GLIPR1L1: variants seen among roughly 807,000 people sequenced by gnomAD.
The protein encoded by GLIPR1L1 is GLIPR1-like protein 1.
Under a neutral mutation model 29.9 loss-of-function variants are expected in GLIPR1L1, and 26 were observed. The observed-to-expected ratio is 0.87, with a 90% CI of 0.64 to 1.21. The LOEUF (loss-of-function observed/expected upper bound fraction) is 1.21, where lower values mean the gene tolerates loss of function less well. Among genes scored for constraint, GLIPR1L1 ranks in the 50% most tolerant of loss-of-function variants. The pLI is 0.00. For missense variants in GLIPR1L1, 305 were observed against 290.3 expected (o/e 1.05, Z -0.37); for synonymous variants, 77 against 97.5 (o/e 0.79, Z 1.24).
chr12:75,361,705 C>T (rs562770256), intron 3 of GLIPR1L1, among the ~76,000 whole-genome samples: 27 of 152,272 alleles, frequency 1.8e-4, no homozygotes, highest in African/African-American at 6.0e-4. Context: ...GGAGGAACTT[C>T]TAAACACTTT....
intron 4 of GLIPR1L1, chr12:75,366,778 A>G: frequency 1.5e-6 from 1 of 673,770 alleles, no homozygotes; most frequent in Admixed American, 2.1e-5. Flanking sequence ...TATGTGTCTC[A>G]GTTTCTCTCT....
intron 3 of GLIPR1L1, among the ~76,000 whole-genome samples, chr12:75,357,102 A>G (rs915919282): frequency 2.0e-5 from 3 of 152,194 alleles, no homozygotes; most frequent in African/African-American, 7.2e-5. Flanking sequence ...AGGTGGTAGT[A>G]TAAGTAAAGC....
chr12:75,366,878 G>T, intron 4 of GLIPR1L1: 1 of 701,392 alleles, frequency 1.4e-6, no homozygotes, highest in East Asian at 2.7e-5. Flanking sequence ...AACTAATTTT[G>T]TTGAGGGTTC....
intron 2 of GLIPR1L1, among the ~76,000 whole-genome samples, chr12:75,345,470 C>T (rs1326275348): frequency 6.6e-6 from 1 of 152,092 alleles, no homozygotes; most frequent in Non-Finnish European, 1.5e-5. Context: ...AAAGAGCTAA[C>T]CTTCTTCTCT....
At chr12:75,353,479 G>A (rs1317938048) in intron 3 of GLIPR1L1, among the ~76,000 whole-genome samples, 1 of 152,150 alleles carries the variant, frequency 6.6e-6, no homozygotes, top group Non-Finnish European at 1.5e-5. Context: ...CCAATAACAA[G>A]TTCTGAAATT....
At chr12:75,347,967 A>T (rs2042565192) in intron 3 of GLIPR1L1, among the ~76,000 whole-genome samples, 1 of 152,096 alleles carries the variant, frequency 6.6e-6, no homozygotes, top group African/African-American at 2.4e-5. Flanking sequence ...TGATAGGTTT[A>T]AAAAAAGAGA....
chr12:75,346,495 A>G (rs1180665153), intron 2 of GLIPR1L1, among the ~76,000 whole-genome samples: 1 of 152,106 alleles, frequency 6.6e-6, no homozygotes, highest in African/African-American at 2.4e-5. Context: ...AGTTCAAGCA[A>G]TTCTCCTGCC....
intron 1 of GLIPR1L1, 91 bp downstream of exon 1, chr12:75,334,993 C>A: frequency 7.2e-6 from 9 of 1,257,296 alleles, no homozygotes; most frequent in South Asian, 2.9e-5. Flanking sequence ...TGTACTAATT[C>A]AATCCGGACT....
rs2042545082 is a variant in GLIPR1L1 at position 75,347,677 on chromosome 12, T to C, written c.476T>C (p.Leu159Pro). Reference sequence around the variant, plus strand: ...TGTGCAGTTGCAATGTGTCCTAACCTTGGGGGAGCTTCAACTGCAATATTT... The same window carrying C: ...TGTGCAGTTGCAATGTGTCCTAACCCTGGGGGAGCTTCAACTGCAATATTT... Reference protein sequence around the residue: ...VGCAVAMCPNLGGASTAIFVC... With the variant: ...VGCAVAMCPNPGGASTAIFVC... Residue 159 changes from leucine (L) to proline (P), a missense_variant, in exon 3 of 6, where the codon CTT becomes CCT. Coordinates refer to ENST00000378695, the MANE Select transcript of GLIPR1L1 (RefSeq NM_001304964.2). The C allele has an allele frequency of 6.2e-7, 1 of 1,607,016 alleles. No homozygotes were observed. The highest frequency in any genetic ancestry group is 8.5e-7 in the Non-Finnish European group (1 of 1,175,560).
intron 3 of GLIPR1L1, among the ~76,000 whole-genome samples, chr12:75,358,624 C>T (rs1006624032): frequency 1.3e-5 from 2 of 150,038 alleles, no homozygotes; most frequent in Admixed American, 6.7e-5. Flanking sequence ...TTGTATGTAA[C>T]ATACCAGACA....
Position 75,343,712 on chromosome 12 carries a change from C to T in GLIPR1L1, c.194C>T (p.Ala65Val), listed in dbSNP as rs780835638. The stretch of plus-strand genomic sequence containing the variant: ...TTTCAGATTTGGGATAAAGGTTTAG[C>T]AAAGATGGCTAAAGCATGGGCAAAC... Reference protein sequence around the residue: ...MKYMIWDKGLAKMAKAWANQC... With the variant: ...MKYMIWDKGLVKMAKAWANQC... Residue 65 changes from alanine (A) to valine (V), a missense_variant, in exon 2 of 6, where the codon GCA (alanine) becomes GTA (valine). Physicochemically the swap from Ala to Val is moderately conservative, Grantham distance 64. Transcript: ENST00000378695. The T allele has an allele frequency of 2.5e-6, 4 of 1,609,002 alleles. No homozygotes were observed. Among genetic ancestry groups the T allele is most frequent in the South Asian group, 1.1e-5 (1 of 90,324 alleles).
chr12:75,347,498 T>C (rs1407271540), intron 2 of GLIPR1L1, 124 bp from the exon 3 acceptor site: 6 of 448,970 alleles, frequency 1.3e-5, no homozygotes, highest in South Asian at 6.8e-5. Flanking sequence ...AAAAAATATG[T>C]AACTAATAAA....
At chr12:75,337,783 A>C (rs2041838032) in intron 1 of GLIPR1L1, among the ~76,000 whole-genome samples, 1 of 152,006 alleles carries the variant, frequency 6.6e-6, no homozygotes, top group Non-Finnish European at 1.5e-5. Context: ...TGCCTAATAA[A>C]AGTATTGCTT....
At chr12:75,358,401 G>T (rs944556479) in intron 3 of GLIPR1L1, among the ~76,000 whole-genome samples, 3 of 151,622 alleles carry the variant, frequency 2.0e-5, no homozygotes, top group African/African-American at 7.3e-5. Flanking sequence ...TATATTCCAG[G>T]AATGCAGGTC....
At chr12:75,337,719 A>T (rs1308969924) in intron 1 of GLIPR1L1, among the ~76,000 whole-genome samples, 1 of 152,050 alleles carries the variant, frequency 6.6e-6, no homozygotes, top group Non-Finnish European at 1.5e-5. Context: ...AAGTCTCATA[A>T]ATATTACATT....
At chr12:75,363,758 C>G (rs1314357139) in intron 4 of GLIPR1L1, among the ~76,000 whole-genome samples, 1 of 152,060 alleles carries the variant, frequency 6.6e-6, no homozygotes, top group Non-Finnish European at 1.5e-5. Context: ...CATGAGTGAC[C>G]AATGGCCTGT....
In GLIPR1L1 at chr12:75,347,284, T is replaced by C. The variant is rs1593714444; in HGVS notation, c.421-338T>C. 3.3e-5 allele frequency among the ~76,000 whole-genome samples: 5 copies of C among 152,240 alleles called. No individual in the cohort carries two copies. The South Asian group carries it at 1.0e-3, about 32-fold the overall frequency. The stretch of plus-strand genomic sequence containing the variant: ...TTTATAGTCTGATTTTCATATTGTT[T>C]GTATGATATTCCCAGGGATAGAATT... On this transcript the variant is annotated intron_variant, in intron 2 of 5. Transcript: ENST00000378695.
chr12:75,350,828 G>C (rs1369661981), intron 3 of GLIPR1L1, among the ~76,000 whole-genome samples: 1 of 152,030 alleles, frequency 6.6e-6, no homozygotes, highest in Admixed American at 6.6e-5. Context: ...CAAGGGCACA[G>C]AACTGGGATG....
At chr12:75,355,834 G>A (rs949037793) in intron 3 of GLIPR1L1, among the ~76,000 whole-genome samples, 1 of 152,148 alleles carries the variant, frequency 6.6e-6, no homozygotes, top group Non-Finnish European at 1.5e-5. Context: ...GCAGGGACAT[G>A]GATGGAGCTA....
Sources: allele counts gnomAD v4.1 joint callset (sites outside exome capture counted in the v4.1 genomes callset), GRCh38; gene constraint gnomAD v4.1.1; transcripts MANE v1.5; gene names NCBI Gene and HGNC (gene_info 2026-07-23, HGNC 2026-07-21).